ITPR2: variants seen among roughly 807,000 people sequenced by gnomAD.
ITPR2 encodes the protein inositol 1,4,5-trisphosphate receptor type 2.
Under a neutral mutation model 317.1 loss-of-function variants are expected in ITPR2, and 207 were observed. The observed-to-expected ratio is 0.65, with a 90% CI of 0.58 to 0.73. The LOEUF (loss-of-function observed/expected upper bound fraction) is 0.73. ITPR2 is among the 30% of genes least tolerant of loss of function. The pLI is 0.00. For synonymous variants in ITPR2, 1,156 were observed against 1,149.1 expected (o/e 1.01, Z -0.12); for missense variants, 2,613 against 3,284.0 (o/e 0.80, Z 4.99).
chr12:26,719,752 G>C (rs7977079), intron 5 of ITPR2, among the ~76,000 whole-genome samples: 14,417 of 151,882 alleles, frequency 0.095, 1,812 homozygotes, highest in African/African-American at 0.29. Context: ...ATCCCTCCCC[G>C]CTCTCCCCAC....
chr12:26,695,186 A>T (rs1948316437), intron 10 of ITPR2, among the ~76,000 whole-genome samples: 1 of 152,222 alleles, frequency 6.6e-6, no homozygotes, highest in Non-Finnish European at 1.5e-5. Context: ...TGCTCTTTAA[A>T]ACTTTTTAAA....
At chr12:26,589,519 T>A (rs1361401363) in intron 32 of ITPR2, among the ~76,000 whole-genome samples, 1 of 151,742 alleles carries the variant, frequency 6.6e-6, no homozygotes, top group Non-Finnish European at 1.5e-5. Context: ...TCAGGTGCAG[T>A]GGCTCACACC....
rs533634449 is a variant in ITPR2, at chr12:26,606,896, A to T, written c.3463-4190T>A. ...GGCTGTAGTGAGCTATGATTGTGCT[A>T]ATCACTCCAGCCTGGGCAACAGAGT... On this transcript the variant is annotated intron_variant, in intron 26 of 56. Coordinates refer to ENST00000381340, the MANE Select transcript of ITPR2 (RefSeq NM_002223.4). Among the ~76,000 whole-genome samples, 44 of 152,320 alleles carry T rather than the reference A, an allele frequency of 2.9e-4. No homozygotes were observed. The South Asian group carries it at 7.7e-3, about 27-fold the overall frequency.
intron 2 of ITPR2, among the ~76,000 whole-genome samples, chr12:26,758,148 C>T (rs1323232872): frequency 6.6e-6 from 1 of 152,170 alleles, no homozygotes; most frequent in African/African-American, 2.4e-5. Context: ...TCATCCCCAT[C>T]CCCTTTTCTC....
intron 34 of ITPR2, among the ~76,000 whole-genome samples, chr12:26,576,508 G>A (rs1361817049): frequency 1.3e-5 from 2 of 152,100 alleles, no homozygotes; most frequent in African/African-American, 2.4e-5. Context: ...TAGGAGGAGC[G>A]CAGCGCAGTA....
intron 34 of ITPR2, among the ~76,000 whole-genome samples, chr12:26,576,870 G>C (rs1030616130): frequency 2.0e-5 from 3 of 152,188 alleles, no homozygotes; most frequent in Non-Finnish European, 4.4e-5. Flanking sequence ...AGAGGTGAGA[G>C]GTGGGACTTT....
chr12:26,568,223 G>C (rs114564574), intron 34 of ITPR2, among the ~76,000 whole-genome samples: 1,531 of 150,898 alleles, frequency 0.01, 27 homozygotes, highest in African/African-American at 0.035. Context: ...TAAAATACTT[G>C]TTCCTAGTTC....
intron 35 of ITPR2, among the ~76,000 whole-genome samples, 194 bp downstream of exon 35, chr12:26,561,568 A>G (rs1944819098): frequency 1.3e-5 from 2 of 152,214 alleles, no homozygotes; most frequent in Admixed American, 6.5e-5. Context: ...TTATTAATAT[A>G]CACTCATTAA....
intron 2 of ITPR2, among the ~76,000 whole-genome samples, chr12:26,741,713 T>C (rs1226746542): frequency 6.6e-6 from 1 of 152,174 alleles, no homozygotes; most frequent in Admixed American, 6.5e-5. Context: ...ATTCACAGAT[T>C]CATTTCTCTA....
At chr12:26,449,600 C>A (rs543363181) in intron 45 of ITPR2, among the ~76,000 whole-genome samples, 1 of 152,124 alleles carries the variant, frequency 6.6e-6, no homozygotes, top group South Asian at 2.1e-4. Context: ...GATTTGGTGG[C>A]ACTAGGAAAG....
intron 23 of ITPR2, among the ~76,000 whole-genome samples, chr12:26,624,972 G>A (rs114485767): frequency 8.8e-4 from 133 of 151,964 alleles, no homozygotes; most frequent in African/African-American, 3.2e-3. Flanking sequence ...AAAGAAGTGT[G>A]GTACACAGAC....
chr12:26,561,427 A>C (rs1944815034), intron 35 of ITPR2, among the ~76,000 whole-genome samples: 2 of 152,226 alleles, frequency 1.3e-5, no homozygotes, highest in Admixed American at 6.5e-5. Context: ...AAAGGATTAG[A>C]AGGGAATACT....
intron 21 of ITPR2, among the ~76,000 whole-genome samples, chr12:26,649,773 C>CCAGA (rs1947198780): frequency 6.8e-6 from 1 of 147,388 alleles, no homozygotes; most frequent in Non-Finnish European, 1.5e-5. Context: ...GATAGATAGA[C>CCAGA]TAGATAGATA....
chr12:26,536,687 CAGATACACCAGGCCAGTGTTGGCA>C (rs1201221934), intron 37 of ITPR2, among the ~76,000 whole-genome samples: 2 of 150,944 alleles, frequency 1.3e-5, no homozygotes, highest in Non-Finnish European at 3.0e-5. Flanking sequence ...ATGGTCAGTG[CAGATACACCAGGCCAGTGTTGGCA>C]GGATCCACCA....
At chr12:26,691,764 G>A (rs191168296) in intron 10 of ITPR2, among the ~76,000 whole-genome samples, 76 of 152,040 alleles carry the variant, frequency 5.0e-4, no homozygotes, top group African/African-American at 1.8e-3. Flanking sequence ...CTGTTGTTGG[G>A]AGCCAGAGAC....
chr12:26,594,636 T>C (rs1442358589), intron 32 of ITPR2, among the ~76,000 whole-genome samples: 15 of 152,160 alleles, frequency 9.9e-5, no homozygotes, highest in Admixed American at 9.2e-4. Flanking sequence ...GTTATCTATA[T>C]ACTGTCTTCT....
intron 37 of ITPR2, among the ~76,000 whole-genome samples, chr12:26,519,136 T>C (rs983789601): frequency 2.0e-5 from 3 of 152,158 alleles, no homozygotes; most frequent in African/African-American, 7.2e-5. Flanking sequence ...TTTTTAACTG[T>C]TTCAGAGCAG....
At chr12:26,402,429 C>T (rs1940207379) in intron 52 of ITPR2, among the ~76,000 whole-genome samples, 1 of 152,162 alleles carries the variant, frequency 6.6e-6, no homozygotes, top group Admixed American at 6.5e-5. Flanking sequence ...TTAATCAGCA[C>T]ATAAACGCTA....
chr12:26,486,913 G>T, intron 40 of ITPR2, 155 bp downstream of exon 40: 1 of 777,554 alleles, frequency 1.3e-6, no homozygotes, highest in Non-Finnish European at 2.3e-6. Context: ...GCCGTTTTAG[G>T]GTCACCCCAT....
Sources: gnomAD v4.1 joint callset for allele counts (sites outside exome capture counted in the v4.1 genomes callset) on GRCh38, gnomAD v4.1.1 for gene constraint, MANE v1.5 for transcripts, NCBI Gene and HGNC (gene_info 2026-07-23, HGNC 2026-07-21) for gene names.